The following APP variants were observed in gnomAD, a reference collection of about 807,000 sequenced individuals.
The protein encoded by APP is amyloid-beta precursor protein.
Under a neutral mutation model 101.4 loss-of-function variants are expected in APP, and 31 were observed. The ratio of observed to expected loss-of-function variants is 0.31; its 90% CI spans 0.23 to 0.41. The LOEUF is 0.41. Ranked by LOEUF, APP falls within the 10% of genes least tolerant of loss-of-function variation. The probability of loss-of-function intolerance (pLI) is 1.00; values close to 1 mark genes in which losing one functional copy is unlikely to be tolerated. For synonymous variants in APP, 366 were observed against 364.4 expected (o/e 1.00, Z -0.05); for missense variants, 839 against 1,003.7 (o/e 0.84, Z 2.22).
intron 14 of APP, among the ~76,000 whole-genome samples, chr21:25,909,789 A>C (rs1208570318): frequency 1.3e-5 from 2 of 152,212 alleles, no homozygotes; most frequent in East Asian, 3.9e-4. Context: ...AAACAAAACA[A>C]TCTGCACTCA....
chr21:25,973,506 G>C (rs1225549855), intron 11 of APP, among the ~76,000 whole-genome samples: 1 of 152,114 alleles, frequency 6.6e-6, no homozygotes, highest in East Asian at 1.9e-4. Context: ...GGCTCAAGGA[G>C]GGCCTAACAG....
At chr21:26,030,484 C>G (rs1165697194) in intron 5 of APP, among the ~76,000 whole-genome samples, 1 of 152,094 alleles carries the variant, frequency 6.6e-6, no homozygotes, top group Non-Finnish European at 1.5e-5. Flanking sequence ...CTGAACTTTT[C>G]TTTAAAATAT....
Position 25,892,060 on chromosome 21 carries a change from AAAAAAG to A in APP, c.2065-198_2065-193del, listed in dbSNP as rs1250804056. On this transcript the variant is annotated intron_variant, in intron 16 of 17. Coordinates refer to ENST00000346798, the MANE Select transcript of APP (RefSeq NM_000484.4). ...GATGCTTACTTTAAAAAAAAAAAAA[AAAAAAG>A]AAATCACATATTTTCCTACTAAGAA... 3.5e-4 allele frequency among the ~76,000 whole-genome samples: 53 copies of A among 151,234 alleles called. 2 individuals carry two copies. In the South Asian group the frequency reaches 0.011, roughly 30 times the overall value.
At chr21:25,996,914 G>A (rs906260427) in intron 8 of APP, among the ~76,000 whole-genome samples, 1 of 152,160 alleles carries the variant, frequency 6.6e-6, no homozygotes, top group Non-Finnish European at 1.5e-5. Flanking sequence ...TTTGAGGCAG[G>A]AGCCTGGACC....
At chr21:25,996,517 C>T (rs1239960770) in intron 8 of APP, among the ~76,000 whole-genome samples, 2 of 152,170 alleles carry the variant, frequency 1.3e-5, no homozygotes, top group Non-Finnish European at 2.9e-5. Context: ...TTTTAAAGAT[C>T]TTTCTTCCTT....
At chr21:26,077,191 G>A (rs891918903) in intron 3 of APP, among the ~76,000 whole-genome samples, 1 of 152,054 alleles carries the variant, frequency 6.6e-6, no homozygotes, top group Non-Finnish European at 1.5e-5. Flanking sequence ...TCCATAACAA[G>A]AGGAGGTCAT....
chr21:25,955,953 T>G (rs1331479118), intron 11 of APP, among the ~76,000 whole-genome samples, 198 bp from the exon 12 acceptor site: 2 of 152,196 alleles, frequency 1.3e-5, no homozygotes, highest in Non-Finnish European at 2.9e-5. Context: ...GCTTTTCACT[T>G]CCACAAGAGC....
At chr21:26,158,396 G>A (rs1248508647) in intron 1 of APP, 1 of 152,174 alleles carries the variant, frequency 6.6e-6, no homozygotes, top group Non-Finnish European at 1.5e-5. Flanking sequence ...CAGAATGCCA[G>A]TTGCCACTCA....
intron 14 of APP, among the ~76,000 whole-genome samples, chr21:25,906,781 A>G (rs2038813928): frequency 1.3e-5 from 2 of 152,230 alleles, no homozygotes; most frequent in Non-Finnish European, 2.9e-5. Context: ...TGAGGGACCC[A>G]ATAGTGCTTC....
At chr21:25,949,154 T>A (rs1240077393) in intron 13 of APP, among the ~76,000 whole-genome samples, 1 of 152,058 alleles carries the variant, frequency 6.6e-6, no homozygotes, top group African/African-American at 2.4e-5. Context: ...ATAATTAAAA[T>A]TGAATGAAAA....
At chr21:25,958,800 A>G in intron 11 of APP, among the ~76,000 whole-genome samples, 1 of 152,110 alleles carries the variant, frequency 6.6e-6, no homozygotes, top group East Asian at 1.9e-4. Context: ...TCTTTCCTCT[A>G]AGTAATAAGA....
chr21:26,050,865 T>A (rs936734317), intron 5 of APP, 135 bp downstream of exon 5: 1 of 1,021,982 alleles, frequency 9.8e-7, no homozygotes, highest in East Asian at 2.6e-5. Flanking sequence ...GTTCAGATTT[T>A]TGCATAACAG....
At chr21:26,040,291 G>A (rs771701394) in intron 5 of APP, among the ~76,000 whole-genome samples, 1 of 152,004 alleles carries the variant, frequency 6.6e-6, no homozygotes, top group South Asian at 2.1e-4. Context: ...GTAATAAACC[G>A]CATTTCTTTA....
intron 1 of APP, among the ~76,000 whole-genome samples, chr21:26,122,587 C>T (rs181546114): frequency 3.9e-4 from 59 of 152,148 alleles, no homozygotes; most frequent in African/African-American, 1.3e-3. Flanking sequence ...GTCGGCCTGC[C>T]GTTACCAATG....
chr21:25,937,035 A>G (rs187592306), intron 13 of APP, among the ~76,000 whole-genome samples: 161 of 152,178 alleles, frequency 1.1e-3, no homozygotes, highest in East Asian at 5.8e-4. Flanking sequence ...AGCACATGTG[A>G]CAAATGGTCA....
Position 25,955,753 on chromosome 21 carries a change from AGGCTGTG to A in APP, c.1459-5_1460del, listed in dbSNP as rs1429627933. On this transcript the variant is annotated splice_acceptor_variant and splice_polypyrimidine_tract_variant and coding_sequence_variant and intron_variant, in exon 12 of 18. Coordinates refer to ENST00000346798, the MANE Select transcript of APP (RefSeq NM_000484.4). LOFTEE classifies it high-confidence loss of function. ...TCTTTAGCATATTGAACACGTGACG[AGGCTGTG>A]GGAGGAAAATGAAAAACTCTTTTTC... The A allele has an allele frequency of 1.2e-6, 2 of 1,614,032 alleles. No homozygotes were observed. Among genetic ancestry groups the A allele is most frequent in the Admixed American group, 3.3e-5 (2 of 59,992 alleles).
At chr21:25,955,860 G>C in intron 11 of APP, 105 bp from the exon 12 acceptor site, 1 of 1,532,354 alleles carries the variant, frequency 6.5e-7, no homozygotes. Flanking sequence ...TCATGTGAAC[G>C]TACTGTGAGT....
At chr21:25,909,589 G>A (rs1366227062) in intron 14 of APP, among the ~76,000 whole-genome samples, 1 of 152,280 alleles carries the variant, frequency 6.6e-6, no homozygotes, top group South Asian at 2.1e-4. Flanking sequence ...GTATGTGTGT[G>A]TGTGTACATT....
At chr21:26,052,570 T>C (rs2045880251) in intron 4 of APP, among the ~76,000 whole-genome samples, 1 of 152,252 alleles carries the variant, frequency 6.6e-6, no homozygotes, top group South Asian at 2.1e-4. Flanking sequence ...TTACATCTTT[T>C]ATTGGCTTAG....
Sources: allele counts gnomAD v4.1 joint callset (sites outside exome capture counted in the v4.1 genomes callset), GRCh38; gene constraint gnomAD v4.1.1; transcripts MANE v1.5; gene names NCBI Gene and HGNC (gene_info 2026-07-23, HGNC 2026-07-21).